CLYBL: variants seen among roughly 807,000 people sequenced by gnomAD.
CLYBL encodes the protein citramalyl-CoA lyase.
A neutral mutation model predicts 38.9 loss-of-function variants in CLYBL; 31 were observed. The observed-to-expected ratio is 0.80, with a 90% CI of 0.60 to 1.08. CLYBL has a LOEUF of 1.08. CLYBL is among the 50% of genes least tolerant of loss of function. The probability of loss-of-function intolerance (pLI) is 0.00; values close to 1 mark genes in which losing one functional copy is unlikely to be tolerated. For synonymous variants in CLYBL, 171 were observed against 158.6 expected, an observed-to-expected ratio of 1.08 and a Z score of -0.59; for missense variants, 434 against 411.6, an observed-to-expected ratio of 1.05 and a Z score of -0.47.
chr13:99,835,026 G>A (rs755759532), intron 2 of CLYBL, among the ~76,000 whole-genome samples: 1 of 152,152 alleles, frequency 6.6e-6, no homozygotes, highest in Non-Finnish European at 1.5e-5. Context: ...CAGTGAGAAA[G>A]GGAATTCTCC....
At chr13:99,659,329 C>G (rs994212033) in intron 1 of CLYBL, among the ~76,000 whole-genome samples, 2 of 152,118 alleles carry the variant, frequency 1.3e-5, no homozygotes, top group Non-Finnish European at 2.9e-5. Flanking sequence ...GTGCATGACT[C>G]TTGATTTCAC....
rs1397054922 is a variant in CLYBL, at chr13:99,849,345, C to A, written c.250-9516C>A. On this transcript the variant is annotated intron_variant, in intron 2 of 8. Transcript: ENST00000339105. The surrounding 1 kb of genome is among the most constrained non-coding windows in gnomAD (Gnocchi z 4.9). ...TGGGCAACATAGTGAGACACTGTAT[C>A]TACAAAAAATACAAATAATTATCTG... 6.6e-6 allele frequency among the ~76,000 whole-genome samples: 1 copy of A among 151,974 alleles called. No homozygotes were observed. Among genetic ancestry groups the A allele is most frequent in the East Asian group, 1.9e-4 (1 of 5,172 alleles).
chr13:99,740,692 G>A (rs180763385), intron 1 of CLYBL, among the ~76,000 whole-genome samples: 1 of 152,322 alleles, frequency 6.6e-6, no homozygotes, highest in African/African-American at 2.4e-5. Context: ...TCGTAGACAG[G>A]TCGCCCGTAG....
At chr13:99,637,962 C>CTTTTTTTTT (rs34513643) in intron 1 of CLYBL, among the ~76,000 whole-genome samples, 1,401 of 94,868 alleles carry the variant, frequency 0.015, 114 homozygotes, top group Non-Finnish European at 0.017. Flanking sequence ...TCAACAGTGC[C>CTTTTTTTTT]TTTTTTTTTT....
At chr13:99,787,995 CTGTT>C (rs1204724828) in intron 2 of CLYBL, among the ~76,000 whole-genome samples, 4 of 152,138 alleles carry the variant, frequency 2.6e-5, no homozygotes, top group Non-Finnish European at 5.9e-5. Context: ...ATTTGGCTCT[CTGTT>C]TGTCTGTTAT....
chr13:99,896,282 C>G (rs887382804), downstream of CLYBL: 1 of 152,138 alleles, frequency 6.6e-6, no homozygotes, highest in African/African-American at 2.4e-5. Context: ...CGCCTTTGTG[C>G]GCTGTTGCTA....
chr13:99,639,540 T>C (rs548404363), intron 1 of CLYBL, among the ~76,000 whole-genome samples: 1 of 152,234 alleles, frequency 6.6e-6, no homozygotes, highest in African/African-American at 2.4e-5. Flanking sequence ...ACAAAAACAA[T>C]AATTAAGATA....
intron 1 of CLYBL, among the ~76,000 whole-genome samples, chr13:99,619,448 T>C (rs1594085974): frequency 6.6e-6 from 1 of 152,242 alleles, no homozygotes; most frequent in African/African-American, 2.4e-5. Context: ...CTTTTTAAAA[T>C]AGCAGCATAA....
chr13:99,664,484 A>G (rs2047452039), intron 1 of CLYBL, among the ~76,000 whole-genome samples: 1 of 152,206 alleles, frequency 6.6e-6, no homozygotes, highest in South Asian at 2.1e-4. Flanking sequence ...TTTGCTCTAT[A>G]AAAATATTAA....
At chr13:99,835,324 C>T (rs998634581) in intron 2 of CLYBL, among the ~76,000 whole-genome samples, 7 of 152,204 alleles carry the variant, frequency 4.6e-5, no homozygotes, top group African/African-American at 1.7e-4. Flanking sequence ...GTGGGAAGTG[C>T]TCCTCCTCCA....
chr13:99,712,262 TG>T (rs1410510066), intron 1 of CLYBL, among the ~76,000 whole-genome samples: 5 of 152,066 alleles, frequency 3.3e-5, no homozygotes, highest in Admixed American at 3.3e-4. Flanking sequence ...TGTTCACAGC[TG>T]AGCCATACGG....
intron 2 of CLYBL, among the ~76,000 whole-genome samples, chr13:99,810,525 G>A (rs2050320512): frequency 6.6e-6 from 1 of 152,208 alleles, no homozygotes; most frequent in African/African-American, 2.4e-5. Flanking sequence ...AGCGAAGCTT[G>A]GCTGGAGCGG....
chr13:99,784,183 A>G (rs1475700053), intron 2 of CLYBL, among the ~76,000 whole-genome samples: 1 of 152,128 alleles, frequency 6.6e-6, no homozygotes, highest in African/African-American at 2.4e-5. Flanking sequence ...ATTGGAATTA[A>G]TTCAATCAAT....
chr13:99,663,826 A>C (rs1036508734), intron 1 of CLYBL, among the ~76,000 whole-genome samples: 1 of 152,166 alleles, frequency 6.6e-6, no homozygotes, highest in African/African-American at 2.4e-5. Flanking sequence ...CCTGGAGCTT[A>C]TTACGGGCCT....
chr13:99,652,610 T>C (rs1203483571), intron 1 of CLYBL, among the ~76,000 whole-genome samples: 4 of 152,184 alleles, frequency 2.6e-5, no homozygotes, highest in Non-Finnish European at 4.4e-5. Flanking sequence ...CCAGCATTGA[T>C]TTGCCAAAAG....
intron 2 of CLYBL, among the ~76,000 whole-genome samples, chr13:99,816,756 C>G (rs1357106206): frequency 6.6e-6 from 1 of 152,228 alleles, no homozygotes; most frequent in Non-Finnish European, 1.5e-5. Context: ...TCTTGGACTT[C>G]CCAGCCTCCA....
rs10643696 is a variant in CLYBL, at chr13:99,631,331, A to ATGTGTGTGTGTG, written c.62+24596_62+24607dup. On this transcript the variant is annotated intron_variant, in intron 1 of 8. Coordinates refer to ENST00000339105, the MANE Select transcript of CLYBL (RefSeq NM_206808.5). Reference sequence around the variant, plus strand: ...AGCCAGACCCTGTCTCCAAATATTTATGTGTGTGTGTGTGTGTGTGTGTGT... The same window carrying ATGTGTGTGTGTG: ...AGCCAGACCCTGTCTCCAAATATTTATGTGTGTGTGTGTGTGTGTGTGTGTGTGTGTGTGTGT... Among the ~76,000 whole-genome samples the ATGTGTGTGTGTG allele has an allele frequency of 8.2e-3, 1,194 of 145,252 alleles. 21 individuals are homozygous for ATGTGTGTGTGTG. Among genetic ancestry groups the ATGTGTGTGTGTG allele is most frequent in the African/African-American group, 0.025 (990 of 39,328 alleles).
Position 99,652,464 on chromosome 13 carries a change from T to G in CLYBL, c.62+45707T>G, listed in dbSNP as rs141249995. ...GGCTCACACCTGTAATCCCAGCACT[T>G]TGGGAGGCTGAAGCGGGTGGATCAC... On this transcript the variant is annotated intron_variant, in intron 1 of 8. Coordinates refer to ENST00000339105, the MANE Select transcript of CLYBL (RefSeq NM_206808.5). Among the ~76,000 whole-genome samples the G allele has an allele frequency of 1.4e-3, 218 of 152,064 alleles. 1 individual carries two copies. Among genetic ancestry groups the G allele is most frequent in the African/African-American group, 5.1e-3 (211 of 41,454 alleles).
intron 1 of CLYBL, among the ~76,000 whole-genome samples, chr13:99,705,706 A>C (rs1036545895): frequency 2.6e-5 from 4 of 152,264 alleles, no homozygotes; most frequent in African/African-American, 7.2e-5. Context: ...AGAGTAGTCA[A>C]ATTCACAGCA....
Sources: allele counts gnomAD v4.1 joint callset (sites outside exome capture counted in the v4.1 genomes callset), GRCh38; gene constraint gnomAD v4.1.1; non-coding constraint Gnocchi (gnomAD v3.1); transcripts MANE v1.5; gene names NCBI Gene and HGNC (gene_info 2026-07-23, HGNC 2026-07-21).